Variants in LINGO2 observed in about 807,000 individuals in gnomAD.
LINGO2 encodes leucine-rich repeat and immunoglobulin-like domain-containing nogo receptor-interacting protein 2.
In LINGO2, 14 loss-of-function variants were observed where a neutral mutation model predicts 30.6. The ratio of observed to expected loss-of-function variants is 0.46; its 90% confidence interval spans 0.30 to 0.72. The LOEUF (loss-of-function observed/expected upper bound fraction) is 0.72. Ranked by LOEUF, LINGO2 falls within the 30% of genes least tolerant of loss-of-function variation. The pLI is 0.07. For synonymous variants in LINGO2, 317 were observed against 288.5 expected (o/e 1.10, Z -1.00); for missense variants, 729 against 751.7 (o/e 0.97, Z 0.35).
At chr9:28,522,969 T>C (rs905595492) in intron 1 of LINGO2, among the ~76,000 whole-genome samples, 1 of 150,284 alleles carries the variant, frequency 6.7e-6, no homozygotes, top group African/African-American at 2.4e-5. Flanking sequence ...GTAGAAGATA[T>C]AAATACATAA....
chr9:28,980,904 G>C, the LINGO2 span, among the ~76,000 whole-genome samples: 3 of 151,948 alleles, frequency 2.0e-5, no homozygotes, highest in Non-Finnish European at 2.9e-5. Flanking sequence ...GATAACTGTT[G>C]TACCATAATT....
intron 5 of LINGO2, among the ~76,000 whole-genome samples, chr9:27,985,390 G>A (rs1234776160): frequency 3.3e-5 from 5 of 151,848 alleles, no homozygotes; most frequent in South Asian, 2.1e-4. Flanking sequence ...GGATATCCCC[G>A]ATTTTCTCCT....
intron 4 of LINGO2, among the ~76,000 whole-genome samples, chr9:28,127,929 A>C (rs1273188737): frequency 2.0e-5 from 3 of 152,226 alleles, no homozygotes; most frequent in Non-Finnish European, 2.9e-5. Context: ...TATATTAAGA[A>C]AATGGAAATT....
At chr9:29,201,929 G>C in the LINGO2 span, among the ~76,000 whole-genome samples, 2 of 152,002 alleles carry the variant, frequency 1.3e-5, no homozygotes, top group African/African-American at 4.8e-5. Context: ...ATCAATGGCA[G>C]TCAGAATTTG....
At chr9:28,796,326 C>A in the LINGO2 span, among the ~76,000 whole-genome samples, 1 of 152,104 alleles carries the variant, frequency 6.6e-6, no homozygotes. Context: ...GCTATGAATA[C>A]AACTTTGAAT....
At chr9:28,594,355 A>C (rs1355525610) in intron 1 of LINGO2, among the ~76,000 whole-genome samples, 3 of 152,058 alleles carry the variant, frequency 2.0e-5, no homozygotes, top group Admixed American at 2.0e-4. Context: ...TTCATGGTTC[A>C]TTGCCTTCAA....
chr9:28,051,676 T>C (rs1173721189), intron 4 of LINGO2, among the ~76,000 whole-genome samples: 3 of 152,110 alleles, frequency 2.0e-5, no homozygotes, highest in African/African-American at 7.2e-5. Context: ...AGGATTAAGC[T>C]AGATTCCAAC....
At chr9:28,170,736 C>T (rs546834066) in intron 4 of LINGO2, among the ~76,000 whole-genome samples, 8 of 152,290 alleles carry the variant, frequency 5.3e-5, no homozygotes, top group South Asian at 4.2e-4. Context: ...CTGTATTCCA[C>T]GGCTCAGGGC....
At chr9:28,634,920 T>TGTAC (rs1212960596) in intron 1 of LINGO2, among the ~76,000 whole-genome samples, 1 of 152,218 alleles carries the variant, frequency 6.6e-6, no homozygotes, top group Non-Finnish European at 1.5e-5. Flanking sequence ...CGATGTGTGC[T>TGTAC]GTACCACAAG....
At chr9:28,430,099 C>CACGT (rs1564193926) in intron 2 of LINGO2, among the ~76,000 whole-genome samples, 1 of 29,012 alleles carries the variant, frequency 3.4e-5, no homozygotes, top group Non-Finnish European at 7.4e-5. Context: ...GATTTCCACG[C>CACGT]GCGCGCGCGC....
rs559226877 is a variant in LINGO2, at chr9:28,125,422, A to G, written c.-86-113017T>C. Among the ~76,000 whole-genome samples the G allele has an allele frequency of 2.4e-4, 34 of 144,280 alleles. No homozygotes were observed. In the South Asian group the frequency reaches 3.5e-3, roughly 15 times the overall value. The allele number at this position is 144,280 out of a possible 152,430, so 94.7% of individuals were successfully genotyped here. A position where few individuals can be genotyped will look rare whatever the true frequency, so the allele number is the denominator to read the frequency against. On this transcript the variant is annotated intron_variant, in intron 4 of 5. Coordinates refer to ENST00000379992, the Ensembl canonical transcript of LINGO2. ...AAAACTGCTTATATGCAGCATACAT[A>G]AAAACTTCTTTTAGCACATTAATTT...
the LINGO2 span, among the ~76,000 whole-genome samples, chr9:28,861,152 T>C: frequency 9.8e-4 from 113 of 115,110 alleles, no homozygotes; most frequent in South Asian, 3.9e-3. Flanking sequence ...ATATAATTTA[T>C]ATTATATAAA....
intron 4 of LINGO2, among the ~76,000 whole-genome samples, chr9:28,105,898 T>C (rs1332215487): frequency 1.3e-5 from 2 of 151,990 alleles, no homozygotes; most frequent in Non-Finnish European, 2.9e-5. Context: ...AATAAATTTC[T>C]CTTGTTTAAA....
At chr9:28,387,643 C>T (rs777073485) in intron 2 of LINGO2, among the ~76,000 whole-genome samples, 13 of 152,316 alleles carry the variant, frequency 8.5e-5, no homozygotes, top group African/African-American at 2.4e-4. Flanking sequence ...ACGAACCCAT[C>T]AGGAGGAATG....
In LINGO2 at chr9:28,130,507, C is replaced by T. The variant is rs1211814720; in HGVS notation, c.-86-118102G>A. Among the ~76,000 whole-genome samples, 1 of 152,182 alleles carries T rather than the reference C, an allele frequency of 6.6e-6. No individual in the cohort carries two copies. The highest frequency in any genetic ancestry group is 1.9e-4 in the East Asian group (1 of 5,202). Reference sequence around the variant, plus strand: ...GTTACCACTGACAGTCATTTAATCTCTGTTAGAAATACCTGTAGAAATAGG... The same window carrying T: ...GTTACCACTGACAGTCATTTAATCTTTGTTAGAAATACCTGTAGAAATAGG... On this transcript the variant is annotated intron_variant, in intron 4 of 5. Coordinates refer to ENST00000379992, the Ensembl canonical transcript of LINGO2. The surrounding 1 kb of genome is among the most constrained non-coding windows in gnomAD (Gnocchi z 5.2).
At chr9:28,040,739 G>C (rs962199089) in intron 4 of LINGO2, among the ~76,000 whole-genome samples, 26 of 149,648 alleles carry the variant, frequency 1.7e-4, no homozygotes, top group African/African-American at 6.2e-4. Context: ...TTACTGATAA[G>C]GAAACAGACT....
intron 1 of LINGO2, among the ~76,000 whole-genome samples, chr9:28,487,853 C>T (rs1340072773): frequency 2.0e-5 from 3 of 152,056 alleles, no homozygotes; most frequent in African/African-American, 7.2e-5. Flanking sequence ...CTTAATTTGC[C>T]AAGATGCTCT....
intron 4 of LINGO2, among the ~76,000 whole-genome samples, chr9:28,121,310 A>G (rs1422033294): frequency 6.6e-6 from 1 of 152,224 alleles, no homozygotes; most frequent in Non-Finnish European, 1.5e-5. Flanking sequence ...TCATTTTTAA[A>G]TATTGGTAAA....
chr9:28,576,896 C>T lies in LINGO2; in HGVS notation c.-365+93304G>A, dbSNP rs115158265. ...TAAGATAAGAAGTGGAGTCCCATGA[C>T]TTCTTCTAATATTTAAGAACTGCAA... On this transcript the variant is annotated intron_variant, in intron 1 of 5. Transcript: ENST00000379992. Among the ~76,000 whole-genome samples the T allele has an allele frequency of 5.2e-3, 788 of 152,246 alleles. 14 individuals carry two copies. The highest frequency in any genetic ancestry group is 0.018 in the African/African-American group (737 of 41,538).
Sources: allele counts gnomAD v4.1 joint callset (sites outside exome capture counted in the v4.1 genomes callset), GRCh38; gene constraint gnomAD v4.1.1; non-coding constraint Gnocchi (gnomAD v3.1); transcripts MANE v1.5; gene names NCBI Gene and HGNC (gene_info 2026-07-23, HGNC 2026-07-21).